The following BMP7 variants were observed in gnomAD, a reference collection of about 807,000 sequenced individuals.
BMP7 encodes bone morphogenetic protein 7.
A neutral mutation model predicts 41.2 loss-of-function variants in BMP7; 12 were observed. The observed-to-expected ratio is 0.29, with a 90% CI of 0.19 to 0.47. The LOEUF is 0.47. Ranked by LOEUF, BMP7 falls within the 20% of genes least tolerant of loss-of-function variation. The pLI, the probability that BMP7 is intolerant of heterozygous loss-of-function variation, is 0.99. For synonymous variants in BMP7, 248 were observed against 250.0 expected (o/e 0.99, Z 0.07); for missense variants, 467 against 606.0 (o/e 0.77, Z 2.41).
chr20:57,223,233 A>AAG (rs1568720929), intron 2 of BMP7, among the ~76,000 whole-genome samples: 1 of 148,236 alleles, frequency 6.7e-6, no homozygotes, highest in Non-Finnish European at 1.5e-5. Context: ...CCATCTCAAA[A>AAG]AAAAAAAAAA....
At chr20:57,252,798 C>A (rs1333917540) in intron 1 of BMP7, among the ~76,000 whole-genome samples, 1 of 152,156 alleles carries the variant, frequency 6.6e-6, no homozygotes, top group Non-Finnish European at 1.5e-5. Context: ...CTAAGGCTCC[C>A]AGATGAATTC....
intron 1 of BMP7, among the ~76,000 whole-genome samples, chr20:57,264,868 C>A (rs1350348528): frequency 6.6e-6 from 1 of 151,532 alleles, no homozygotes; most frequent in African/African-American, 2.4e-5. Context: ...CCTGTCTCTA[C>A]TAAAAATACA....
intron 1 of BMP7, among the ~76,000 whole-genome samples, chr20:57,265,192 G>C (rs1281861341): frequency 1.3e-5 from 2 of 152,250 alleles, no homozygotes; most frequent in African/African-American, 4.8e-5. Context: ...CAAGGCGCTC[G>C]GAGCGCGCGG....
At position 57,214,089 on chromosome 20, in the gene BMP7, C is replaced by G. The variant is rs1453375824; in HGVS notation, c.612-11466G>C. Among the ~76,000 whole-genome samples, 2 of 152,186 alleles carry G rather than the reference C, an allele frequency of 1.3e-5. No homozygotes were observed. Among genetic ancestry groups the G allele is most frequent in the Admixed American group, 1.3e-4 (2 of 15,282 alleles). Reference sequence around the variant, plus strand: ...ATCTTAGAACAAGGTGCGGAGCGAGCCCTCTGAACCGTATGGTACCTGAGA... The same window carrying G: ...ATCTTAGAACAAGGTGCGGAGCGAGGCCTCTGAACCGTATGGTACCTGAGA... On this transcript the variant is annotated intron_variant, in intron 2 of 6. Coordinates refer to ENST00000395863, the MANE Select transcript of BMP7 (RefSeq NM_001719.3). The surrounding 1 kb of genome is among the most constrained non-coding windows in gnomAD (Gnocchi z 4.0).
At chr20:57,225,639 T>C (rs1328023463) in intron 2 of BMP7, among the ~76,000 whole-genome samples, 4 of 152,166 alleles carry the variant, frequency 2.6e-5, no homozygotes, top group Admixed American at 2.6e-4. Context: ...GGGAATTACA[T>C]CATAGGGGCA....
At chr20:57,198,728 G>A (rs918640158) in intron 3 of BMP7, among the ~76,000 whole-genome samples, 10 of 152,200 alleles carry the variant, frequency 6.6e-5, no homozygotes, top group Non-Finnish European at 1.3e-4. Context: ...GAAGGAGGAC[G>A]CCATCTGGGC....
At chr20:57,179,615 T>G (rs922399946) in intron 4 of BMP7, among the ~76,000 whole-genome samples, 2 of 152,206 alleles carry the variant, frequency 1.3e-5, no homozygotes, top group Non-Finnish European at 2.9e-5. Flanking sequence ...CACACAGGGC[T>G]GCCGAGAGAT....
chr20:57,176,317 C>G (rs944710971), intron 4 of BMP7, among the ~76,000 whole-genome samples: 5 of 152,184 alleles, frequency 3.3e-5, no homozygotes, highest in Non-Finnish European at 7.3e-5. Flanking sequence ...CCTGGATCAA[C>G]CAACCCTAAT....
intron 2 of BMP7, among the ~76,000 whole-genome samples, chr20:57,208,090 A>G (rs1192273242): frequency 1.3e-5 from 2 of 152,048 alleles, no homozygotes; most frequent in Non-Finnish European, 2.9e-5. Context: ...CGGCCTCCCA[A>G]AGTGCTGGGA....
At chr20:57,172,981 A>G in intron 6 of BMP7, 2 of 615,954 alleles carry the variant, frequency 3.2e-6, no homozygotes, top group South Asian at 1.9e-5. Flanking sequence ...TAGGAGAAAT[A>G]AATGAACTCC....
At chr20:57,246,773 G>C (rs1306422843) in intron 1 of BMP7, among the ~76,000 whole-genome samples, 1 of 152,220 alleles carries the variant, frequency 6.6e-6, no homozygotes, top group Non-Finnish European at 1.5e-5. Context: ...CGGATCACCT[G>C]AGGTTGGGAG....
intron 2 of BMP7, among the ~76,000 whole-genome samples, chr20:57,216,533 G>A: frequency 6.7e-6 from 1 of 149,922 alleles, no homozygotes; most frequent in South Asian, 2.1e-4. Flanking sequence ...AGGGCGAGGG[G>A]GCTGTCTCCT....
intron 1 of BMP7, among the ~76,000 whole-genome samples, chr20:57,258,035 G>A (rs564281004): frequency 1.3e-5 from 2 of 152,276 alleles, no homozygotes; most frequent in African/African-American, 4.8e-5. Flanking sequence ...ACAAGTCCTC[G>A]ATTTTGGAAA....
chr20:57,257,838 A>C (rs1265558002), intron 1 of BMP7, among the ~76,000 whole-genome samples: 1 of 151,980 alleles, frequency 6.6e-6, no homozygotes, highest in African/African-American at 2.4e-5. Flanking sequence ...AAAAAAAAAA[A>C]AAAAAAACTT....
chr20:57,206,917 C>A (rs569216936), intron 2 of BMP7, among the ~76,000 whole-genome samples: 1 of 152,338 alleles, frequency 6.6e-6, no homozygotes, highest in South Asian at 2.1e-4. Context: ...TTGTCCATTC[C>A]AAGAATGTTT....
At chr20:57,225,938 G>A (rs2066004314) in intron 2 of BMP7, 1 of 471,120 alleles carries the variant, frequency 2.1e-6, no homozygotes, top group Admixed American at 2.3e-5. Context: ...ATGCCCTCAG[G>A]CATGGCATGC....
intron 2 of BMP7, among the ~76,000 whole-genome samples, chr20:57,206,527 AG>A (rs1984735829): frequency 6.6e-6 from 1 of 152,208 alleles, no homozygotes; most frequent in African/African-American, 2.4e-5. Context: ...AGAGACACAT[AG>A]GAAGATGTCA....
rs1333972148 is a variant in BMP7 at position 57,213,877 on chromosome 20, G to T, written c.612-11254C>A. ...TAAAATGGAGGTAGCCATGAGGATT[G>T]TTCTGAGAATGAGTTAAATGGAAAG... On this transcript the variant is annotated intron_variant, in intron 2 of 6. Transcript: ENST00000395863. The surrounding 1 kb of genome is among the most constrained non-coding windows in gnomAD (Gnocchi z 4.4). 6.6e-6 allele frequency among the ~76,000 whole-genome samples: 1 copy of T among 152,224 alleles called. No individual in the cohort carries two copies. Among genetic ancestry groups the T allele is most frequent in the East Asian group, 1.9e-4 (1 of 5,198 alleles).
At chr20:57,209,613 C>A (rs1984834287) in intron 2 of BMP7, among the ~76,000 whole-genome samples, 1 of 152,124 alleles carries the variant, frequency 6.6e-6, no homozygotes, top group African/African-American at 2.4e-5. Flanking sequence ...CCAAAAACCA[C>A]TGAATTATAC....
Sources: gnomAD v4.1 joint callset for allele counts (sites outside exome capture counted in the v4.1 genomes callset) on GRCh38, gnomAD v4.1.1 for gene constraint, Gnocchi (gnomAD v3.1) non-coding constraint, MANE v1.5 for transcripts, NCBI Gene and HGNC (gene_info 2026-07-23, HGNC 2026-07-21) for gene names.